Variants in KAZN observed in about 807,000 individuals in gnomAD.
KAZN encodes the protein kazrin, periplakin interacting protein.
In KAZN, 40 loss-of-function variants were observed where a neutral mutation model predicts 87.4. That is an observed-to-expected ratio of 0.46 (90% CI 0.36 to 0.60). The LOEUF (loss-of-function observed/expected upper bound fraction) is 0.60. Ranked by LOEUF, KAZN falls within the 20% of genes least tolerant of loss-of-function variation. The pLI, the probability that KAZN is intolerant of heterozygous loss-of-function variation, is 0.00. For synonymous variants in KAZN, 466 were observed against 458.3 expected (o/e 1.02, Z -0.22); for missense variants, 898 against 1,073.9 (o/e 0.84, Z 2.29).
At chr1:14,494,535 C>T (rs1669842042) in intron 2 of KAZN, among the ~76,000 whole-genome samples, 1 of 152,164 alleles carries the variant, frequency 6.6e-6, no homozygotes, top group South Asian at 2.1e-4. Context: ...TGCCAATCCC[C>T]CTTCAGGTCA....
chr1:14,841,404 TCAAAAAAAAAAAAAAAAAA>T (rs1382734350), intron 1 of KAZN, among the ~76,000 whole-genome samples: 2 of 40,632 alleles, frequency 4.9e-5, no homozygotes, highest in Admixed American at 4.8e-4. Context: ...AGACTCCGTC[TCAAAAAAAAAAAAAAAAAA>T]AAAAAAAAAA....
chr1:15,016,995 G>A (rs1670178466), intron 2 of KAZN, among the ~76,000 whole-genome samples: 2 of 152,030 alleles, frequency 1.3e-5, no homozygotes, highest in Admixed American at 1.3e-4. Flanking sequence ...GTATCCATGG[G>A]AATAAAGACC....
At chr1:14,508,197 C>G (rs1234271798) in intron 2 of KAZN, among the ~76,000 whole-genome samples, 1 of 152,076 alleles carries the variant, frequency 6.6e-6, no homozygotes, top group African/African-American at 2.4e-5. Context: ...CCCAAGAGAG[C>G]CTAGGTATGT....
chr1:14,679,885 G>A (rs1386350401), intron 1 of KAZN, among the ~76,000 whole-genome samples: 1 of 152,094 alleles, frequency 6.6e-6, no homozygotes, highest in East Asian at 1.9e-4. Context: ...TAATAAGTGA[G>A]GAGTGATTTG....
intron 1 of KAZN, among the ~76,000 whole-genome samples, chr1:14,697,722 A>G (rs1056833315): frequency 3.9e-5 from 6 of 152,184 alleles, no homozygotes; most frequent in African/African-American, 1.2e-4. Flanking sequence ...CTCTTTTTTG[A>G]TAAAGGGAAG....
rs1653788217 is a variant in KAZN at position 14,292,515 on chromosome 1, G to A, written c.249+111923G>A. Reference sequence around the variant, plus strand: ...GTCCTTGTGGTGGTAGATGGGGCTGGCAGGGATTGATCCATGTCCAGGGAG... The same window carrying A: ...GTCCTTGTGGTGGTAGATGGGGCTGACAGGGATTGATCCATGTCCAGGGAG... On this transcript the variant is annotated intron_variant, in intron 2 of 16. Transcript: ENST00000636203. Among the ~76,000 whole-genome samples the A allele has an allele frequency of 3.3e-5, 5 of 152,274 alleles. No homozygotes were observed. In the South Asian group the frequency reaches 1.0e-3, roughly 32 times the overall value.
At chr1:14,527,627 C>CG (rs961838854) in intron 2 of KAZN, among the ~76,000 whole-genome samples, 15 of 151,804 alleles carry the variant, frequency 9.9e-5, no homozygotes, top group African/African-American at 3.6e-4. Flanking sequence ...AACACAATGC[C>CG]GGCATCTGCT....
intron 2 of KAZN, among the ~76,000 whole-genome samples, chr1:14,963,527 G>A (rs1664125626): frequency 6.6e-6 from 1 of 152,202 alleles, no homozygotes; most frequent in Non-Finnish European, 1.5e-5. Context: ...TACTTCAGTG[G>A]CGGTGACAGC....
chr1:14,199,922 C>T (rs948271299), intron 2 of KAZN, among the ~76,000 whole-genome samples: 3 of 151,974 alleles, frequency 2.0e-5, no homozygotes, highest in African/African-American at 7.2e-5. Context: ...CTGACACCTT[C>T]CTTCTGCTTG....
At chr1:14,989,986 G>A (rs998270721) in intron 2 of KAZN, among the ~76,000 whole-genome samples, 1 of 152,142 alleles carries the variant, frequency 6.6e-6, no homozygotes, top group Non-Finnish European at 1.5e-5. Flanking sequence ...TGTCTTGTTT[G>A]ATACAGCAAC....
rs150004481 is a variant in KAZN, at chr1:14,136,687, T to C, written c.92-43748T>C. On this transcript the variant is annotated intron_variant, in intron 1 of 16. Transcript: ENST00000636203. The stretch of plus-strand genomic sequence containing the variant: ...GGGAGGGGAAGGCCAGGGATGGGAA[T>C]GTGGCTTCTCCCCAGCTGCTTGCTG... Among the ~76,000 whole-genome samples, 4 of 152,234 alleles carry C rather than the reference T, an allele frequency of 2.6e-5. No homozygotes were observed. The East Asian group carries it at 7.7e-4, about 29-fold the overall frequency.
intron 2 of KAZN, among the ~76,000 whole-genome samples, chr1:14,453,408 T>C (rs1667390889): frequency 6.6e-6 from 1 of 152,198 alleles, no homozygotes; most frequent in African/African-American, 2.4e-5. Flanking sequence ...TTTTCAATTA[T>C]TGCTTAATTA....
intron 1 of KAZN, among the ~76,000 whole-genome samples, chr1:14,144,159 C>G (rs1404058078): frequency 6.6e-6 from 1 of 152,218 alleles, no homozygotes; most frequent in African/African-American, 2.4e-5. Flanking sequence ...TTTCCTCCTT[C>G]TCCTCAACTC....
chr1:14,877,812 G>T (rs1311547042), intron 1 of KAZN, among the ~76,000 whole-genome samples: 1 of 152,170 alleles, frequency 6.6e-6, no homozygotes, highest in Non-Finnish European at 1.5e-5. Context: ...ATCAGTAAAG[G>T]CTGTTGTTAT....
intron 2 of KAZN, among the ~76,000 whole-genome samples, chr1:14,356,761 C>CTCTGT (rs1659063385): frequency 6.6e-6 from 1 of 152,022 alleles, no homozygotes. Flanking sequence ...TTTCTGAGTC[C>CTCTGT]TCTGTTCTGT....
At chr1:14,625,185 T>C (rs1447717463) in intron 1 of KAZN, among the ~76,000 whole-genome samples, 1 of 152,140 alleles carries the variant, frequency 6.6e-6, no homozygotes, top group Non-Finnish European at 1.5e-5. Context: ...CATTCTTCTC[T>C]TTTTCCTTGA....
chr1:14,160,485 T>G (rs1645686239), intron 1 of KAZN, among the ~76,000 whole-genome samples: 1 of 152,160 alleles, frequency 6.6e-6, no homozygotes, highest in Admixed American at 6.5e-5. Context: ...AGAGGAGTGA[T>G]GTCAACAATT....
Position 14,737,876 on chromosome 1 carries a change from C to T in KAZN, c.226+138653C>T, listed in dbSNP as rs114168510. On this transcript the variant is annotated intron_variant, in intron 1 of 14. Coordinates refer to ENST00000376030, the MANE Select transcript of KAZN (RefSeq NM_201628.3). ...GCTGCCAATCTCCTAGGCAGGGCCCCGGCTCTTTTAAGGACTCACCTGATT... is the reference window on the plus strand; with the variant it reads ...GCTGCCAATCTCCTAGGCAGGGCCCTGGCTCTTTTAAGGACTCACCTGATT... 3.2e-3 allele frequency among the ~76,000 whole-genome samples: 483 copies of T among 152,276 alleles called. 3 individuals are homozygous for T. Among genetic ancestry groups the T allele is most frequent in the African/African-American group, 0.01 (432 of 41,570 alleles).
chr1:15,028,631 C>A (rs1362936980), intron 2 of KAZN, among the ~76,000 whole-genome samples: 1 of 152,242 alleles, frequency 6.6e-6, no homozygotes, highest in East Asian at 1.9e-4. Context: ...CATGTGCAAA[C>A]TGGATGTCGC....
Sources: gnomAD v4.1 joint callset for allele counts (sites outside exome capture counted in the v4.1 genomes callset) on GRCh38, gnomAD v4.1.1 for gene constraint, MANE v1.5 for transcripts, NCBI Gene and HGNC (gene_info 2026-07-23, HGNC 2026-07-21) for gene names.